Variants in ZNF467 observed in about 807,000 individuals in gnomAD.
ZNF467 encodes zinc finger protein EZI.
A neutral mutation model predicts 47.8 loss-of-function variants in ZNF467; 51 were observed. The observed-to-expected ratio is 1.07, with a 90% CI of 0.85 to 1.35. The LOEUF (loss-of-function observed/expected upper bound fraction) is 1.35. Among genes scored for constraint, ZNF467 ranks in the 40% most tolerant of loss-of-function variants. The pLI is 0.00. For missense variants in ZNF467, 992 were observed against 858.1 expected, an observed-to-expected ratio of 1.16 and a Z score of -1.95; for synonymous variants, 416 against 372.9, an observed-to-expected ratio of 1.12 and a Z score of -1.33.
chr7:149,765,378 C>A lies in ZNF467; in HGVS notation c.1124G>T (p.Cys375Phe). 6.4e-7 allele frequency: 1 copy of A among 1,564,046 alleles called. No homozygotes were observed. ...GWKKNLATHQ[C>F]LHRSEGRPFG... The stretch of plus-strand genomic sequence containing the variant: ...GGGGCGACCCTCGCTGCGGTGCAGA[C>A]ACTGGTGCGTGGCGAGGTTCTTTTT... The change falls in exon 5 of 5, where the codon TGT (cysteine) becomes TTT (phenylalanine). Residue 375 changes from cysteine (C) to phenylalanine (F), a missense_variant. Physicochemically the swap from Cys to Phe is radical, Grantham distance 205 (BLOSUM62 -2). Coordinates refer to ENST00000302017, the MANE Select transcript of ZNF467 (RefSeq NM_207336.3).
Position 149,770,486 on chromosome 7 carries a change from C to T in ZNF467, c.105G>A (p.Glu35=). The change falls in exon 3 of 5, where the codon GAG becomes GAA. Residue 35 remains glutamate (E), a synonymous_variant. Coordinates refer to ENST00000302017, the MANE Select transcript of ZNF467 (RefSeq NM_207336.3). The part of the protein sequence containing the change: ...EPREGSHNAQ[E]QMSSSREERA... ...TCTCTTCCCTAGAAGAGGACATCTG[C>T]TCCTGGGCATTATGGGATCCTTCCC... 2 of 1,613,888 alleles carry T rather than the reference C, an allele frequency of 1.2e-6. No individual in the cohort carries two copies. The highest frequency in any genetic ancestry group is 1.7e-6 in the Non-Finnish European group (2 of 1,179,920).
chr7:149,766,314 TC>T (rs1177114093), intron 4 of ZNF467, 75 bp from the exon 5 acceptor site: 71 of 1,503,012 alleles, frequency 4.7e-5, no homozygotes, highest in South Asian at 3.7e-4. Flanking sequence ...GATCTCCACT[TC>T]CTGGAGCCCC....
chr7:149,772,917 C>T (rs1799472413), intron 1 of ZNF467, among the ~76,000 whole-genome samples, 191 bp downstream of exon 1: 1 of 138,548 alleles, frequency 7.2e-6, no homozygotes, highest in African/African-American at 2.8e-5. Context: ...AGCCCTCACC[C>T]TGCCCGCGCC....
upstream of ZNF467, chr7:149,776,501 C>T (rs372830815): frequency 7.1e-5 from 94 of 1,316,052 alleles, 1 homozygote; most frequent in Non-Finnish European, 4.1e-5. Flanking sequence ...ACCCGGTCCC[C>T]AGCGCCTGGG....
chr7:149,775,901 C>G, upstream of ZNF467: 1 of 569,528 alleles, frequency 1.8e-6, no homozygotes, highest in Middle Eastern at 6.1e-4. Flanking sequence ...CCCCCACAGC[C>G]CCCAGAACTG....
rs371275436 is a variant in ZNF467 at position 149,764,779 on chromosome 7, C to A, written c.1723G>T (p.Ala575Ser). 1 of 1,520,946 alleles carries A rather than the reference C, an allele frequency of 6.6e-7. No individual in the cohort carries two copies. The highest frequency in any genetic ancestry group is 1.3e-5 in the South Asian group (1 of 76,538). 94.2% of individuals were successfully genotyped at this position (1,520,946 alleles called of 1,614,324 possible). A position where few individuals can be genotyped will look rare whatever the true frequency, so the allele number is the denominator to read the frequency against. ...GACCAGGCTGGGGCCGCAAGGGCGGCGTCCGGGGCCGCGTGGGCGGCTTCG... is the reference window on the plus strand; with the variant it reads ...GACCAGGCTGGGGCCGCAAGGGCGGAGTCCGGGGCCGCGTGGGCGGCTTCG... ...HGEAAHAAPDAALAAPAWSAP... is the reference protein window; with the variant it reads ...HGEAAHAAPDSALAAPAWSAP... Residue 575 changes from alanine (A) to serine (S), a missense_variant, in exon 5 of 5, where the codon GCC (alanine) becomes TCC (serine). Transcript: ENST00000302017.
Position 149,765,244 on chromosome 7 carries a change from C to T in ZNF467, c.1258G>A (p.Val420Met), listed in dbSNP as rs1418226191. 2 of 1,461,218 alleles carry T rather than the reference C, an allele frequency of 1.4e-6. No homozygotes were observed. The highest frequency in any genetic ancestry group is 1.4e-5 in the South Asian group (1 of 72,244). The allele number at this position is 1,461,218 out of a possible 1,614,324, so 90.5% of individuals were successfully genotyped here. A position where few individuals can be genotyped will look rare whatever the true frequency, so the allele number is the denominator to read the frequency against. The change falls in exon 5 of 5, where the codon GTG becomes ATG. Residue 420 changes from valine (V) to methionine (M), a missense_variant. By Grantham distance (21) the Val-to-Met change is conservative. Coordinates refer to ENST00000302017, the MANE Select transcript of ZNF467 (RefSeq NM_207336.3). The stretch of plus-strand genomic sequence containing the variant: ...TCGCCCGAGGGGGCGCGCTGGGGCA[C>T]CACGGGATCGGATCCTGGGCCGCAG... ...PGCGPGSDPV[V>M]PQRAPSGERS...
upstream of ZNF467, chr7:149,776,245 C>A: frequency 8.6e-7 from 1 of 1,162,380 alleles, no homozygotes. Context: ...CCTTAGCATC[C>A]TCCTTACTTC....
In ZNF467 at chr7:149,769,139, T is replaced by C; in HGVS notation, c.213A>G (p.Arg71=). The C allele has an allele frequency of 6.4e-7, 1 of 1,562,536 alleles. No individual in the cohort carries two copies. Among genetic ancestry groups the C allele is most frequent in the Non-Finnish European group, 8.7e-7 (1 of 1,152,354 alleles). ...CCTTCTGTGCTGAGCACGCCTGGCC[T>C]CTGCAGGGAGCCTCGGCTTGTTCTG... is the stretch of plus-strand genomic sequence containing the variant. The part of the protein sequence containing the change: ...AHTEQAEAPC[R]GQACSAQKAQ... The change falls in exon 4 of 5, where the codon AGA becomes AGG. Residue 71 remains arginine (R), a synonymous_variant. Transcript: ENST00000302017. This position sits in a 1 kb window ranked among gnomAD's most constrained non-coding sequence, Gnocchi z 5.3.
At position 149,773,107 on chromosome 7, in the gene ZNF467, C is replaced by A. The variant is rs2117478568; in HGVS notation, c.-43+1G>T. 1 of 149,858 alleles carries A rather than the reference C, an allele frequency of 6.7e-6. No individual in the cohort carries two copies. The highest frequency in any genetic ancestry group is 2.5e-5 in the African/African-American group (1 of 40,738). 9.3% of individuals were successfully genotyped at this position (149,858 alleles called of 1,614,324 possible). A position where few individuals can be genotyped will look rare whatever the true frequency, so the allele number is the denominator to read the frequency against. On this transcript the variant is annotated splice_donor_variant, in intron 1 of 4. Transcript: ENST00000302017. LOFTEE classifies it low-confidence loss of function (5UTR_SPLICE). ...TGCAGAGGAGCCTCCCCGGCCCTTA[C>A]CTGGCTGGCCGGCCGCTCCGCCCGC...
At position 149,765,931 on chromosome 7, in the gene ZNF467, G is replaced by A; in HGVS notation, c.571C>T (p.Pro191Ser). The A allele has an allele frequency of 1.3e-6, 2 of 1,554,804 alleles. No individual in the cohort carries two copies. Among genetic ancestry groups the A allele is most frequent in the Non-Finnish European group, 1.7e-6 (2 of 1,150,594 alleles). Residue 191 changes from proline to serine, a missense_variant, in exon 5 of 5, where the codon CCG becomes TCG. Pro to Ser is a moderately conservative substitution (Grantham distance 74). Coordinates refer to ENST00000302017, the MANE Select transcript of ZNF467 (RefSeq NM_207336.3). Reference sequence around the variant, plus strand: ...TGCGTGAAGCTGCGGCCGCAGTCCGGGCAGGCGCAGGGGCCCTCGCCCCGG... The same window carrying A: ...TGCGTGAAGCTGCGGCCGCAGTCCGAGCAGGCGCAGGGGCCCTCGCCCCGG... ...LHRGEGPCACPDCGRSFTQRA... is the reference protein window; with the variant it reads ...LHRGEGPCACSDCGRSFTQRA...
At chr7:149,775,725 AC>A (rs1190262933), upstream of ZNF467, among the ~76,000 whole-genome samples, 6 of 115,310 alleles carry the variant, frequency 5.2e-5, no homozygotes, top group Admixed American at 7.7e-5. Flanking sequence ...ACACACACAC[AC>A]ACACACACAC....
At chr7:149,768,489 T>C (rs1799288794) in intron 4 of ZNF467, among the ~76,000 whole-genome samples, 1 of 152,216 alleles carries the variant, frequency 6.6e-6, no homozygotes, top group African/African-American at 2.4e-5. Context: ...TTCATCTCTT[T>C]CCACTGTACT....
intron 4 of ZNF467, among the ~76,000 whole-genome samples, chr7:149,767,399 A>G (rs1799256860): frequency 6.6e-6 from 1 of 152,230 alleles, no homozygotes; most frequent in African/African-American, 2.4e-5. Context: ...CCTTGATTCC[A>G]TCACACGTGG....
chr7:149,765,811 G>T lies in ZNF467; in HGVS notation c.691C>A (p.Leu231Met), dbSNP rs934787877. 1.9e-6 allele frequency: 3 copies of T among 1,610,664 alleles called. No individual in the cohort carries two copies. Among genetic ancestry groups the T allele is most frequent in the Non-Finnish European group, 2.5e-6 (3 of 1,178,802 alleles). The change falls in exon 5 of 5, where the codon CTG becomes ATG. Residue 231 changes from leucine (L) to methionine (M), a missense_variant. Leu to Met is a conservative substitution (Grantham distance 15, BLOSUM62 2). Coordinates refer to ENST00000302017, the MANE Select transcript of ZNF467 (RefSeq NM_207336.3). ...GTGTGCGTGCGCAGGTGGCGGGTCA[G>T]ATGGGCCTTCTTGCTGAAGCGCTTG... ...CDKRFSKKAH[L>M]TRHLRTHTGE...
Position 149,770,420 on chromosome 7 carries a change from C to A in ZNF467, c.151+20G>T, listed in dbSNP as rs780399250. On this transcript the variant is annotated intron_variant, in intron 3 of 4. Transcript: ENST00000302017. ...CAGGGGGACTCCTCCCTGAGCCTTT[C>A]CAGGGTTCCTGTTACCTACCTGAGC... 1 of 1,589,744 alleles carries A rather than the reference C, an allele frequency of 6.3e-7. No individual in the cohort carries two copies. Among genetic ancestry groups the A allele is most frequent in the South Asian group, 1.1e-5 (1 of 88,988 alleles).
rs772768150 is a variant in ZNF467 at position 149,770,456 on chromosome 7, T to A, written c.135A>T (p.Ala45=). 3 of 1,612,300 alleles carry A rather than the reference T, an allele frequency of 1.9e-6. No homozygotes were observed. In the South Asian group the frequency reaches 3.3e-5, roughly 18 times the overall value. The part of the protein sequence containing the change: ...EQMSSSREER[A]LGVCSGHEAP... ...GTTACCTACCTGAGCACACCCCCAG[T>A]GCTCTCTCTTCCCTAGAAGAGGACA... Residue 45 remains alanine, a synonymous_variant, in exon 3 of 5, where the codon GCA becomes GCT. Coordinates refer to ENST00000302017, the MANE Select transcript of ZNF467 (RefSeq NM_207336.3).
At chr7:149,776,352 G>T (rs374877651), upstream of ZNF467, 1 of 1,361,874 alleles carries the variant, frequency 7.3e-7, no homozygotes, top group African/African-American at 1.5e-5. Flanking sequence ...GCAGGCGGTG[G>T]TGTGAGTGGA....
chr7:149,776,062 CT>C, upstream of ZNF467: 1 of 1,365,568 alleles, frequency 7.3e-7, no homozygotes, highest in Non-Finnish European at 9.8e-7. Context: ...CTGCCCTCCT[CT>C]TTGGGATGGC....
Sources: gnomAD v4.1 joint callset for allele counts (sites outside exome capture counted in the v4.1 genomes callset) on GRCh38, gnomAD v4.1.1 for gene constraint, Gnocchi (gnomAD v3.1) non-coding constraint, MANE v1.5 for transcripts, NCBI Gene and HGNC (gene_info 2026-07-23, HGNC 2026-07-21) for gene names.